The following DESI2 variants were observed in gnomAD, a reference collection of about 807,000 sequenced individuals.
The protein encoded by DESI2 is desumoylating isopeptidase 2, also known as deubiquitinase DESI2.
A neutral mutation model predicts 24.1 loss-of-function variants in DESI2; 10 were observed. That is an observed-to-expected ratio of 0.41 (90% CI 0.26 to 0.70). The LOEUF is 0.70. Ranked by LOEUF, DESI2 falls within the 30% of genes least tolerant of loss-of-function variation. The pLI, the probability that DESI2 is intolerant of heterozygous loss-of-function variation, is 0.29. For synonymous variants in DESI2, 71 were observed against 87.7 expected, an observed-to-expected ratio of 0.81 and a Z score of 1.06; for missense variants, 122 against 234.9, an observed-to-expected ratio of 0.52 and a Z score of 3.14.
chr1:244,704,694 T>C (rs1249803656), intron 4 of DESI2, among the ~76,000 whole-genome samples: 1 of 152,224 alleles, frequency 6.6e-6, no homozygotes, highest in African/African-American at 2.4e-5. Context: ...AGTCTCACTC[T>C]GTTGCCTAGG....
At chr1:244,700,282 G>T (rs75905023) in intron 4 of DESI2, among the ~76,000 whole-genome samples, 1,695 of 152,102 alleles carry the variant, frequency 0.011, 24 homozygotes, top group East Asian at 0.064. Flanking sequence ...TCTCTAAGTG[G>T]TTTTTTCTCC....
intron 4 of DESI2, among the ~76,000 whole-genome samples, chr1:244,695,761 CA>C (rs991001496): frequency 4.7e-4 from 71 of 152,270 alleles, no homozygotes; most frequent in African/African-American, 1.6e-3. Flanking sequence ...ACTCCAGCCC[CA>C]AATTGTTTTG....
chr1:244,698,316 C>T (rs1418318099), intron 4 of DESI2, among the ~76,000 whole-genome samples: 1 of 152,114 alleles, frequency 6.6e-6, no homozygotes, highest in Admixed American at 6.5e-5. Flanking sequence ...ATGATTTTTG[C>T]CCATTGGAGC....
chr1:244,653,693 C>T lies in DESI2; in HGVS notation c.42+338C>T, dbSNP rs1675544330. The T allele has an allele frequency of 1.7e-5, 7 of 413,826 alleles. 1 individual carries two copies. The highest frequency in any genetic ancestry group is 1.2e-4 in the South Asian group (5 of 41,872). The allele number at this position is 413,826 out of a possible 1,614,324, so 25.6% of individuals were successfully genotyped here. Reference sequence around the variant, plus strand: ...GCAAAGCTTCCGTTGCGTTTCCAACCCCACTTGCCGGCCCCCGGGGCTGCC... The same window carrying T: ...GCAAAGCTTCCGTTGCGTTTCCAACTCCACTTGCCGGCCCCCGGGGCTGCC... On this transcript the variant is annotated intron_variant, in intron 1 of 4. Coordinates refer to ENST00000302550, the MANE Select transcript of DESI2 (RefSeq NM_016076.5).
Position 244,672,813 on chromosome 1 carries a change from G to T in DESI2, c.43-13784G>T, listed in dbSNP as rs1676292153. On this transcript the variant is annotated intron_variant, in intron 1 of 4. Transcript: ENST00000302550. ...AATCGCTTGAACTCGGGAAGTAGAG[G>T]TTGCAGTGAGCCAAGATCGCCCCAT... Among the ~76,000 whole-genome samples, 5 of 152,168 alleles carry T rather than the reference G, an allele frequency of 3.3e-5. No individual in the cohort carries two copies. The South Asian group carries it at 1.0e-3, about 32-fold the overall frequency.
intron 1 of DESI2, among the ~76,000 whole-genome samples, chr1:244,670,637 A>AG (rs1416475344): frequency 1.4e-4 from 2 of 14,008 alleles, no homozygotes; most frequent in Non-Finnish European, 4.9e-4. Flanking sequence ...AAGGACGTCA[A>AG]GGGACAGAGA....
intron 3 of DESI2, among the ~76,000 whole-genome samples, chr1:244,691,229 C>G (rs1323740278): frequency 1.3e-5 from 2 of 152,244 alleles, no homozygotes; most frequent in African/African-American, 4.8e-5. Context: ...GCTGGGATTA[C>G]AGGCACCTGC....
intron 1 of DESI2, among the ~76,000 whole-genome samples, chr1:244,657,958 A>T (rs926594528): frequency 6.6e-6 from 1 of 152,274 alleles, no homozygotes; most frequent in Middle Eastern, 3.4e-3. Context: ...TCTAACCTTT[A>T]TGGTGAGTTG....
At chr1:244,668,887 A>G (rs1198750634) in intron 1 of DESI2, among the ~76,000 whole-genome samples, 1 of 152,190 alleles carries the variant, frequency 6.6e-6, no homozygotes, top group Non-Finnish European at 1.5e-5. Flanking sequence ...AAGTAACTGT[A>G]CTTATTTTTG....
chr1:244,659,047 TA>T (rs766920887), intron 1 of DESI2, among the ~76,000 whole-genome samples: 6 of 129,014 alleles, frequency 4.7e-5, no homozygotes, highest in African/African-American at 1.5e-4. Flanking sequence ...TTTTTTTTTT[TA>T]AACGGTAAGG....
chr1:244,701,478 T>G (rs928677232), intron 4 of DESI2, among the ~76,000 whole-genome samples: 3 of 152,112 alleles, frequency 2.0e-5, no homozygotes, highest in African/African-American at 7.2e-5. Flanking sequence ...GAAGATGCTT[T>G]GACTGTCAAA....
intron 1 of DESI2, among the ~76,000 whole-genome samples, chr1:244,680,053 A>G (rs941846300): frequency 2.8e-5 from 4 of 143,146 alleles, no homozygotes; most frequent in African/African-American, 1.0e-4. Flanking sequence ...AAAATCTAGG[A>G]TCCAGTCGAG....
At chr1:244,653,486 G>T in intron 1 of DESI2, 131 bp downstream of exon 1, 1 of 879,866 alleles carries the variant, frequency 1.1e-6, no homozygotes. Context: ...GGGGGAAGCC[G>T]GGGGTGAAGG....
At chr1:244,668,481 A>G (rs2148789592) in intron 1 of DESI2, among the ~76,000 whole-genome samples, 1 of 152,334 alleles carries the variant, frequency 6.6e-6, no homozygotes, top group African/African-American at 2.4e-5. Context: ...TTTTTGAGAA[A>G]TAAGTCAAAC....
At chr1:244,687,832 T>C (rs35357440) in intron 2 of DESI2, among the ~76,000 whole-genome samples, 37,535 of 152,182 alleles carry the variant, frequency 0.25, 4,647 homozygotes, top group South Asian at 0.33. Context: ...CTCTTTTGGC[T>C]GATTTGGCTT....
intron 4 of DESI2, among the ~76,000 whole-genome samples, chr1:244,695,349 G>A (rs1385425403): frequency 2.8e-4 from 43 of 152,270 alleles, no homozygotes; most frequent in East Asian, 1.9e-4. Context: ...TAATCTAAAT[G>A]TCTTTTTAAA....
chr1:244,672,276 C>T (rs571576457), intron 1 of DESI2, among the ~76,000 whole-genome samples: 4 of 152,272 alleles, frequency 2.6e-5, no homozygotes, highest in African/African-American at 9.6e-5. Context: ...AGTGAGTTCT[C>T]ACTCAGTTCA....
chr1:244,681,442 T>C (rs1286807058), intron 1 of DESI2, among the ~76,000 whole-genome samples: 3 of 152,014 alleles, frequency 2.0e-5, no homozygotes, highest in African/African-American at 7.3e-5. Context: ...CCCAACCTTT[T>C]TGGCATCAGG....
At chr1:244,699,824 C>T (rs76577864) in intron 4 of DESI2, among the ~76,000 whole-genome samples, 1,555 of 152,222 alleles carry the variant, frequency 0.01, 29 homozygotes, top group African/African-American at 0.035. Context: ...ACTGCCTTTC[C>T]GCTCTTCCCT....
Sources: allele counts gnomAD v4.1 joint callset (sites outside exome capture counted in the v4.1 genomes callset), GRCh38; gene constraint gnomAD v4.1.1; transcripts MANE v1.5; gene names NCBI Gene and HGNC (gene_info 2026-07-23, HGNC 2026-07-21).